The following ADAMTS10 variants were observed in gnomAD, a reference collection of about 807,000 sequenced individuals.
The protein encoded by ADAMTS10 is A disintegrin and metalloproteinase with thrombospondin motifs 10.
ADAMTS10 carries 48 observed loss-of-function variants against 135.9 expected under a neutral mutation model. The ratio of observed to expected loss-of-function variants is 0.35; its 90% CI spans 0.28 to 0.45. The LOEUF is 0.45. Among genes scored for constraint, ADAMTS10 ranks in the 20% least tolerant of loss-of-function variants. The pLI is 1.00. For missense variants in ADAMTS10, 1,131 were observed against 1,565.2 expected (o/e 0.72, Z 4.68); for synonymous variants, 621 against 647.5 (o/e 0.96, Z 0.62).
intron 18 of ADAMTS10, among the ~76,000 whole-genome samples, chr19:8,587,930 C>CAAAAA (rs34536913): frequency 2.2e-5 from 2 of 90,758 alleles, no homozygotes; most frequent in Non-Finnish European, 2.1e-5. Flanking sequence ...GACCCCATCT[C>CAAAAA]AAAAAAAAAA....
At chr19:8,608,506 C>T (rs971072038) in intron 1 of ADAMTS10, among the ~76,000 whole-genome samples, 15 of 152,230 alleles carry the variant, frequency 9.9e-5, no homozygotes, top group African/African-American at 3.4e-4. Context: ...AAGGCCCTTC[C>T]TGGTTGGGCA....
intron 18 of ADAMTS10, among the ~76,000 whole-genome samples, chr19:8,588,240 T>C (rs2042466150): frequency 6.6e-6 from 1 of 151,882 alleles, no homozygotes; most frequent in South Asian, 2.1e-4. Flanking sequence ...AGATTGAGAC[T>C]CTGTCTCAAA....
intron 23 of ADAMTS10, 29 bp from the exon 24 acceptor site, chr19:8,585,337 A>T (rs781941510): frequency 1.3e-6 from 2 of 1,533,020 alleles, no homozygotes; most frequent in Non-Finnish European, 8.7e-7. Context: ...TTTCGTGCTC[A>T]GGGTGCTGCC....
At chr19:8,591,446 T>G (rs1473634020) in intron 15 of ADAMTS10, among the ~76,000 whole-genome samples, 1 of 138,444 alleles carries the variant, frequency 7.2e-6, no homozygotes, top group Non-Finnish European at 1.6e-5. Flanking sequence ...GTTTTTGTTT[T>G]TTTTTTTTTT....
chr19:8,605,815 A>AG lies in ADAMTS10; in HGVS notation c.-99-7dup. Reference sequence around the variant, plus strand: ...TTCGCAGCATCACCGGGCTCCTGGGAGGGGGGAGCCAGGTAAGGGGGCGCC... The same window carrying AG: ...TTCGCAGCATCACCGGGCTCCTGGGAGGGGGGGAGCCAGGTAAGGGGGCGCC... On this transcript the variant is annotated splice_region_variant and splice_polypyrimidine_tract_variant and intron_variant, in intron 2 of 25. Coordinates refer to ENST00000597188, the MANE Select transcript of ADAMTS10 (RefSeq NM_030957.4). This position sits in a 1 kb window ranked among gnomAD's most constrained non-coding sequence, Gnocchi z 7.7. 1 of 1,512,198 alleles carries AG rather than the reference A, an allele frequency of 6.6e-7. No individual in the cohort carries two copies. Among genetic ancestry groups the AG allele is most frequent in the Non-Finnish European group, 8.8e-7 (1 of 1,132,616 alleles). 93.7% of individuals were successfully genotyped at this position (1,512,198 alleles called of 1,614,324 possible).
intron 1 of ADAMTS10, among the ~76,000 whole-genome samples, chr19:8,608,877 G>A (rs2042750048): frequency 6.6e-6 from 1 of 151,808 alleles, no homozygotes; most frequent in Admixed American, 6.6e-5. Context: ...ACAGGGGAAG[G>A]GGACTCACCT....
In ADAMTS10 at chr19:8,595,529, T is replaced by A. The variant is rs2042592113; in HGVS notation, c.1479+233A>T. 10 of 592,086 alleles carry A rather than the reference T, an allele frequency of 1.7e-5. No individual in the cohort carries two copies. The South Asian group carries it at 1.8e-4, about 11-fold the overall frequency. 36.7% of individuals were successfully genotyped at this position (592,086 alleles called of 1,614,324 possible). A position where few individuals can be genotyped will look rare whatever the true frequency, so the allele number is the denominator to read the frequency against. ...CCCAGCCCAGCCCTCAAATCAGGGG[T>A]CTGGAGAAGCAGGTGATCCCATTTT... is the stretch of plus-strand genomic sequence containing the variant. On this transcript the variant is annotated intron_variant, in intron 12 of 25. Transcript: ENST00000597188.
At position 8,585,248 on chromosome 19, in the gene ADAMTS10, G is replaced by T. The variant is rs1555736646; in HGVS notation, c.2926C>A (p.His976Asn). The T allele has an allele frequency of 6.7e-7, 1 of 1,485,738 alleles. No individual in the cohort carries two copies. The highest frequency in any genetic ancestry group is 1.3e-5 in the South Asian group (1 of 77,920). The allele number at this position is 1,485,738 out of a possible 1,614,324, so 92.0% of individuals were successfully genotyped here. The change falls in exon 24 of 26, where the codon CAC (histidine) becomes AAC (asparagine). Residue 976 changes from histidine to asparagine, a missense_variant. His to Asn is a moderately conservative substitution (Grantham distance 68). This residue lies in a region of ADAMTS10 where 745 missense variants were observed against 1,056.3 expected (regional missense o/e 0.71). Coordinates refer to ENST00000597188, the MANE Select transcript of ADAMTS10 (RefSeq NM_030957.4). ...TGCGCCGGGGGCAGCGTGGCGCGGT[G>T]GTCTGCGCTCTTGCAAAGGACCACG... ...HRVVLCKSAD[H>N]RATLPPAHCS...
At chr19:8,585,721 G>C in intron 22 of ADAMTS10, 61 bp from the exon 23 acceptor site, 1 of 1,525,522 alleles carries the variant, frequency 6.6e-7, no homozygotes, top group African/African-American at 1.4e-5. Flanking sequence ...CACAACAGCA[G>C]GGGGCACTAT....
intron 6 of ADAMTS10, among the ~76,000 whole-genome samples, chr19:8,600,490 TCTTTC>T (rs1555741202): frequency 7.2e-4 from 103 of 143,782 alleles, no homozygotes; most frequent in African/African-American, 2.7e-3. Flanking sequence ...TCTTTTCTTT[TCTTTC>T]TTTTCTTTTT....
At chr19:8,589,647 C>G in intron 16 of ADAMTS10, 62 bp from the exon 17 acceptor site, 1 of 1,606,170 alleles carries the variant, frequency 6.2e-7, no homozygotes. Context: ...TGCTTGCTCC[C>G]TGGGGGAGTG....
chr19:8,585,162 C>T lies in ADAMTS10; in HGVS notation c.3012G>A (p.Pro1004=). The T allele has an allele frequency of 2.1e-6, 3 of 1,410,138 alleles. No homozygotes were observed. The highest frequency in any genetic ancestry group is 2.7e-5 in the East Asian group (1 of 36,528). 87.4% of individuals were successfully genotyped at this position (1,410,138 alleles called of 1,614,324 possible). ...TMRCNLRRCP[P]ARWVAGEWGE... ...CCCACTCGCCAGCCACCCAGCGGGC[C>T]GGGGGGCAGCGGCGCAAGTTGCAGC... is the stretch of plus-strand genomic sequence containing the variant. The change falls in exon 24 of 26, where the codon CCG becomes CCA. Residue 1004 remains proline (P), a synonymous_variant. Transcript: ENST00000597188.
chr19:8,605,642 C>T lies in ADAMTS10; in HGVS notation c.69G>A (p.Thr23=), dbSNP rs146634131. 129 of 1,613,638 alleles carry T rather than the reference C, an allele frequency of 8.0e-5. 1 individual carries two copies. The African/African-American group carries it at 1.4e-3, about 18-fold the overall frequency. ...CCCTACCTTGAGACCGGAAGGCGTGCGTGACCTCGAACATGAGGCCCAGCC... is the reference window on the plus strand; with the variant it reads ...CCCTACCTTGAGACCGGAAGGCGTGTGTGACCTCGAACATGAGGCCCAGCC... ...ALGLGLMFEV[T]HAFRSQDEFL... is the part of the protein sequence containing the mutation. Residue 23 remains threonine (T), a synonymous_variant, in exon 3 of 26, where the codon ACG becomes ACA. Coordinates refer to ENST00000597188, the MANE Select transcript of ADAMTS10 (RefSeq NM_030957.4). The surrounding 1 kb of genome is among the most constrained non-coding windows in gnomAD (Gnocchi z 7.7).
intron 15 of ADAMTS10, 36 bp downstream of exon 15, chr19:8,591,764 C>T (rs1555738944): frequency 1.2e-6 from 2 of 1,611,236 alleles, no homozygotes; most frequent in African/African-American, 1.3e-5. Context: ...TTAATGCTTC[C>T]TCCCCCCACC....
At chr19:8,600,569 G>A (rs555775703) in intron 6 of ADAMTS10, among the ~76,000 whole-genome samples, 1 of 147,192 alleles carries the variant, frequency 6.8e-6, no homozygotes, top group East Asian at 2.1e-4. Context: ...CGTGATCTTG[G>A]CTCACTGCAA....
intron 23 of ADAMTS10, 55 bp from the exon 24 acceptor site, chr19:8,585,363 G>A (rs2042412861): frequency 1.3e-6 from 2 of 1,534,596 alleles, no homozygotes; most frequent in East Asian, 4.9e-5. Context: ...GCGAAGTGAG[G>A]AGGGGACAGC....
In ADAMTS10 at chr19:8,596,249, C is replaced by A. The variant is rs539807276; in HGVS notation, c.1191-30G>T. ...GGAAAGGGGTGTCGGCTCTGCCGGGCGCTGAGGGACCCGCCCAGCTCCTCC... is the reference window on the plus strand; with the variant it reads ...GGAAAGGGGTGTCGGCTCTGCCGGGAGCTGAGGGACCCGCCCAGCTCCTCC... On this transcript the variant is annotated intron_variant, in intron 10 of 25. Transcript: ENST00000597188. This position sits in a 1 kb window ranked among gnomAD's most constrained non-coding sequence, Gnocchi z 7.2. 3 of 1,613,002 alleles carry A rather than the reference C, an allele frequency of 1.9e-6. No individual in the cohort carries two copies. The highest frequency in any genetic ancestry group is 1.7e-6 in the Non-Finnish European group (2 of 1,180,018).
In ADAMTS10 at chr19:8,596,858, C is replaced by G; in HGVS notation, c.1040+129G>C. On this transcript the variant is annotated intron_variant, in intron 8 of 25. Transcript: ENST00000597188. The surrounding 1 kb of genome is among the most constrained non-coding windows in gnomAD (Gnocchi z 7.2). ...AAGCAGCCCCTCCCCATCCCTGGCT[C>G]CCTCATGGGCAGCCCAAACTTCTCT... 6.9e-7 allele frequency: 1 copy of G among 1,443,654 alleles called. No individual in the cohort carries two copies. Among genetic ancestry groups the G allele is most frequent in the Non-Finnish European group, 9.5e-7 (1 of 1,050,518 alleles). 89.4% of individuals were successfully genotyped at this position (1,443,654 alleles called of 1,614,324 possible).
At chr19:8,599,058 T>G (rs933222846) in intron 6 of ADAMTS10, among the ~76,000 whole-genome samples, 1 of 152,064 alleles carries the variant, frequency 6.6e-6, no homozygotes, top group Non-Finnish European at 1.5e-5. Flanking sequence ...ATGTGCCAAA[T>G]AGCCTACCTG....
Sources: allele counts gnomAD v4.1 joint callset (sites outside exome capture counted in the v4.1 genomes callset), GRCh38; gene constraint gnomAD v4.1.1; regional missense constraint gnomAD v4.1.1; non-coding constraint Gnocchi (gnomAD v3.1); transcripts MANE v1.5; gene names NCBI Gene and HGNC (gene_info 2026-07-23, HGNC 2026-07-21).